Variants in PAMR1 observed in about 807,000 individuals in gnomAD.
PAMR1 encodes peptidase domain containing associated with muscle regeneration 1.
Under a neutral mutation model 81.8 loss-of-function variants are expected in PAMR1, and 88 were observed. The observed-to-expected ratio is 1.08, with a 90% CI of 0.91 to 1.28. PAMR1 has a LOEUF of 1.28. Among genes scored for constraint, PAMR1 ranks in the 50% most tolerant of loss-of-function variants. The pLI is 0.00. For synonymous variants in PAMR1, 336 were observed against 345.3 expected (o/e 0.97, Z 0.30); for missense variants, 935 against 919.7 (o/e 1.02, Z -0.21).
At chr11:35,487,952 T>C (rs1253937020) in intron 3 of PAMR1, among the ~76,000 whole-genome samples, 1 of 152,202 alleles carries the variant, frequency 6.6e-6, no homozygotes, top group Non-Finnish European at 1.5e-5. Flanking sequence ...ACCATATAAT[T>C]ACTAACAAAC....
chr11:35,458,244 G>C (rs2135363815), intron 6 of PAMR1, among the ~76,000 whole-genome samples: 1 of 152,262 alleles, frequency 6.6e-6, no homozygotes, highest in South Asian at 2.1e-4. Flanking sequence ...AATAAAATCA[G>C]CAATGGTTGC....
rs139122111 is a variant in PAMR1 at position 35,492,126 on chromosome 11, C to G, written c.298G>C (p.Gly100Arg). 33 of 1,614,120 alleles carry G rather than the reference C, an allele frequency of 2.0e-5. No homozygotes were observed. The African/African-American group carries it at 2.9e-4, about 14-fold the overall frequency. Residue 100 changes from glycine to arginine, a missense_variant, in exon 3 of 11, where the codon GGG becomes CGG. Gly to Arg is a moderately radical substitution (Grantham distance 125). Coordinates refer to ENST00000619888, the MANE Select transcript of PAMR1 (RefSeq NM_001001991.3). ...NCKSCRNGSW[G>R]GTLDDFYVKG... The stretch of plus-strand genomic sequence containing the variant: ...ACATAGAAGTCATCCAAGGTACCCC[C>G]CCATGAGCCATTTCGGCAGCTCTTG...
chr11:35,525,618 G>C, upstream of PAMR1: 3 of 1,603,910 alleles, frequency 1.9e-6, no homozygotes, highest in East Asian at 2.2e-5. Flanking sequence ...GCGTCTACTG[G>C]GGAGGGAGAG....
chr11:35,486,932 T>C (rs540787985), intron 3 of PAMR1, among the ~76,000 whole-genome samples: 2 of 152,308 alleles, frequency 1.3e-5, no homozygotes, highest in African/African-American at 2.4e-5. Flanking sequence ...ACTTCACTCA[T>C]TGGGAACTTA....
intron 6 of PAMR1, among the ~76,000 whole-genome samples, chr11:35,446,466 G>A (rs1056661529): frequency 1.3e-5 from 2 of 151,340 alleles, no homozygotes; most frequent in South Asian, 4.2e-4. Context: ...TTTTTGATGT[G>A]GGCATTTAGT....
At position 35,437,318 on chromosome 11, in the gene PAMR1, G is replaced by A. The variant is rs78137813; in HGVS notation, c.1101-1183C>T. Among the ~76,000 whole-genome samples the A allele has an allele frequency of 9.9e-3, 1,507 of 152,298 alleles. 28 individuals carry two copies. Among genetic ancestry groups the A allele is most frequent in the East Asian group, 0.069 (358 of 5,186 alleles). The stretch of plus-strand genomic sequence containing the variant: ...GGCAAGTGGAAGTACGCAGAGGCAC[G>A]CAGTAAAGAAACTTGGTACCCAAGG... On this transcript the variant is annotated intron_variant, in intron 8 of 10. Coordinates refer to ENST00000619888, the MANE Select transcript of PAMR1 (RefSeq NM_001001991.3).
chr11:35,510,292 CATT>C (rs1805864029), intron 1 of PAMR1, among the ~76,000 whole-genome samples: 1 of 152,126 alleles, frequency 6.6e-6, no homozygotes, highest in Non-Finnish European at 1.5e-5. Flanking sequence ...ATGGACTCAT[CATT>C]ATCACTGGAG....
At chr11:35,461,875 T>C (rs1320756373) in intron 6 of PAMR1, among the ~76,000 whole-genome samples, 1 of 152,202 alleles carries the variant, frequency 6.6e-6, no homozygotes, top group Non-Finnish European at 1.5e-5. Context: ...GCAAAGGCTC[T>C]GGGCTATCAA....
chr11:35,476,327 C>CAT (rs1850284190), intron 3 of PAMR1, among the ~76,000 whole-genome samples: 1 of 152,168 alleles, frequency 6.6e-6, no homozygotes, highest in Non-Finnish European at 1.5e-5. Context: ...TTGTAGTTCC[C>CAT]ATAATCCCCA....
chr11:35,458,544 G>C (rs1856583042), intron 6 of PAMR1, among the ~76,000 whole-genome samples: 1 of 152,148 alleles, frequency 6.6e-6, no homozygotes, highest in Non-Finnish European at 1.5e-5. Flanking sequence ...ATATGAGCTG[G>C]GTTTTGGAGC....
intron 1 of PAMR1, among the ~76,000 whole-genome samples, chr11:35,513,883 G>T (rs547844254): frequency 1.3e-5 from 2 of 152,310 alleles, no homozygotes; most frequent in South Asian, 2.1e-4. Flanking sequence ...TCACAGTTTG[G>T]TGATGCTGCT....
chr11:35,487,545 A>C (rs151276257), intron 3 of PAMR1, among the ~76,000 whole-genome samples: 24 of 152,142 alleles, frequency 1.6e-4, no homozygotes, highest in African/African-American at 5.8e-4. Flanking sequence ...CTCCCTAGGA[A>C]CTCTGGCTTC....
At chr11:35,483,188 A>G (rs1033711657) in intron 3 of PAMR1, among the ~76,000 whole-genome samples, 1 of 152,186 alleles carries the variant, frequency 6.6e-6, no homozygotes, top group Non-Finnish European at 1.5e-5. Flanking sequence ...GCAGGACTGA[A>G]GCTATAATCT....
intron 1 of PAMR1, among the ~76,000 whole-genome samples, chr11:35,503,034 A>C (rs893341131): frequency 2.0e-5 from 3 of 152,178 alleles, no homozygotes; most frequent in African/African-American, 7.2e-5. Flanking sequence ...ATAACGGTCA[A>C]GTTTCATACT....
At chr11:35,515,663 A>G (rs1256908081) in intron 1 of PAMR1, among the ~76,000 whole-genome samples, 1 of 152,128 alleles carries the variant, frequency 6.6e-6, no homozygotes, top group African/African-American at 2.4e-5. Flanking sequence ...GTTCTATAAG[A>G]CATTATCCCT....
At chr11:35,469,424 C>A (rs1856810408) in intron 5 of PAMR1, among the ~76,000 whole-genome samples, 1 of 152,236 alleles carries the variant, frequency 6.6e-6, no homozygotes, top group Non-Finnish European at 1.5e-5. Context: ...GGCTTGCTGA[C>A]TGTCCTAAGC....
At chr11:35,484,730 C>A (rs745425162) in intron 3 of PAMR1, among the ~76,000 whole-genome samples, 7 of 152,194 alleles carry the variant, frequency 4.6e-5, no homozygotes, top group Non-Finnish European at 2.9e-5. Flanking sequence ...GGGTTGCTTT[C>A]CTAACCTCCT....
At chr11:35,475,510 C>T (rs994449147) in intron 3 of PAMR1, among the ~76,000 whole-genome samples, 1 of 152,134 alleles carries the variant, frequency 6.6e-6, no homozygotes, top group African/African-American at 2.4e-5. Flanking sequence ...TGAAAACCAC[C>T]GTATTGAATA....
chr11:35,500,381 G>A (rs776810603), intron 1 of PAMR1, among the ~76,000 whole-genome samples: 57 of 152,154 alleles, frequency 3.7e-4, no homozygotes, highest in Non-Finnish European at 7.6e-4. Context: ...TATTTATTGA[G>A]TGTTGACTAC....
Sources: allele counts gnomAD v4.1 joint callset (sites outside exome capture counted in the v4.1 genomes callset), GRCh38; gene constraint gnomAD v4.1.1; transcripts MANE v1.5; gene names NCBI Gene and HGNC (gene_info 2026-07-23, HGNC 2026-07-21).